Variants in SIPA1L2 observed in about 807,000 individuals in gnomAD.
SIPA1L2 encodes the protein signal-induced proliferation-associated 1-like protein 2.
In SIPA1L2, 56 loss-of-function variants were observed where a neutral mutation model predicts 163.9. The observed-to-expected ratio is 0.34, with a 90% CI of 0.28 to 0.43. SIPA1L2 has a LOEUF of 0.43. Among genes scored for constraint, SIPA1L2 ranks in the 20% least tolerant of loss-of-function variants. The pLI, the probability that SIPA1L2 is intolerant of heterozygous loss-of-function variation, is 1.00. For missense variants in SIPA1L2, 1,974 were observed against 2,193.5 expected (o/e 0.90, Z 2.00); for synonymous variants, 877 against 865.7 (o/e 1.01, Z -0.23).
intron 1 of SIPA1L2, among the ~76,000 whole-genome samples, chr1:232,610,599 T>TA (rs1378953772): frequency 2.0e-5 from 3 of 152,224 alleles, no homozygotes; most frequent in Non-Finnish European, 2.9e-5. Context: ...TCTTAAAAAC[T>TA]AGTAATCAGG....
intron 2 of SIPA1L2, among the ~76,000 whole-genome samples, chr1:232,570,789 G>T (rs1302653139): frequency 6.6e-6 from 1 of 151,750 alleles, no homozygotes; most frequent in African/African-American, 2.4e-5. Context: ...CCTGGAGTTG[G>T]ACTAACAGAC....
intron 3 of SIPA1L2, among the ~76,000 whole-genome samples, chr1:232,507,203 T>C (rs1052983219): frequency 1.3e-5 from 2 of 151,052 alleles, no homozygotes; most frequent in African/African-American, 4.9e-5. Flanking sequence ...CGACTTTCCC[T>C]GCTTTTGATG....
intron 18 of SIPA1L2, among the ~76,000 whole-genome samples, chr1:232,420,050 G>A (rs564904870): frequency 2.0e-5 from 3 of 152,268 alleles, no homozygotes; most frequent in South Asian, 2.1e-4. Flanking sequence ...GGCTGAGCGC[G>A]GTGGCTCACA....
At chr1:232,417,026 T>A (rs773881553) in intron 18 of SIPA1L2, among the ~76,000 whole-genome samples, 2 of 152,214 alleles carry the variant, frequency 1.3e-5, no homozygotes, top group African/African-American at 2.4e-5. Context: ...CAGCTGCTTG[T>A]GAACACATCT....
At chr1:232,495,339 G>A (rs1178117998) in intron 3 of SIPA1L2, among the ~76,000 whole-genome samples, 4 of 152,052 alleles carry the variant, frequency 2.6e-5, no homozygotes, top group Non-Finnish European at 5.9e-5. Flanking sequence ...CGAGGCGGGC[G>A]GATCACGAGG....
At chr1:232,564,177 TGTGTGTGTGTG>T (rs1179160160) in intron 2 of SIPA1L2, among the ~76,000 whole-genome samples, 1 of 115,098 alleles carries the variant, frequency 8.7e-6, no homozygotes, top group Non-Finnish European at 1.6e-5. Context: ...TGTGTGTGTG[TGTGTGTGTGTG>T]TTTCATCATG....
chr1:232,571,960 C>T (rs1659753782), intron 2 of SIPA1L2, among the ~76,000 whole-genome samples: 1 of 152,134 alleles, frequency 6.6e-6, no homozygotes, highest in African/African-American at 2.4e-5. Context: ...TATAGCAACA[C>T]AAAAAGGGGC....
intron 2 of SIPA1L2, among the ~76,000 whole-genome samples, chr1:232,531,830 A>G (rs2103085247): frequency 6.6e-6 from 1 of 152,300 alleles, no homozygotes; most frequent in African/African-American, 2.4e-5. Flanking sequence ...ATACCTGAAG[A>G]AAAGGATGAG....
intron 1 of SIPA1L2, among the ~76,000 whole-genome samples, chr1:232,628,805 G>A (rs573647552): frequency 6.6e-6 from 1 of 152,224 alleles, no homozygotes; most frequent in East Asian, 1.9e-4. Context: ...TAGTGTTAAC[G>A]TTTAGAATGG....
chr1:232,580,931 A>G (rs967073854), intron 1 of SIPA1L2, among the ~76,000 whole-genome samples: 1 of 152,150 alleles, frequency 6.6e-6, no homozygotes, highest in African/African-American at 2.4e-5. Context: ...TTCTGCTACA[A>G]CACTAACTTT....
intron 1 of SIPA1L2, among the ~76,000 whole-genome samples, chr1:232,585,815 G>C (rs555786754): frequency 1.3e-5 from 2 of 152,334 alleles, no homozygotes; most frequent in South Asian, 4.1e-4. Context: ...ACAGCAGAAA[G>C]TCAAGATGGC....
chr1:232,453,822 C>T (rs1663730151), intron 10 of SIPA1L2, among the ~76,000 whole-genome samples: 1 of 149,574 alleles, frequency 6.7e-6, no homozygotes, highest in South Asian at 2.1e-4. Context: ...TCAGTAGGTG[C>T]TAAAAGAATC....
At chr1:232,526,550 G>A (rs111768511) in intron 2 of SIPA1L2, among the ~76,000 whole-genome samples, 2,238 of 152,292 alleles carry the variant, frequency 0.015, 60 homozygotes, top group African/African-American at 0.051. Flanking sequence ...GCAGGAGGCG[G>A]AGCTCAGGCA....
At position 232,432,339 on chromosome 1, in the gene SIPA1L2, G is replaced by A. The variant is rs1156405663; in HGVS notation, c.4164C>T (p.His1388=). ...QVPGSMSKPY[H]RQGAVNKYVI... ...CATATTTGTTCACTGCCCCTTGTCT[G>A]TGGTAGGGCTTGGACATGGACCCGG... The change falls in exon 16 of 23, where the codon CAC becomes CAT. Residue 1388 remains histidine (H), a synonymous_variant. Coordinates refer to ENST00000674635, the MANE Select transcript of SIPA1L2 (RefSeq NM_020808.5). 4 of 1,614,212 alleles carry A rather than the reference G, an allele frequency of 2.5e-6. No homozygotes were observed. Among genetic ancestry groups the A allele is most frequent in the Non-Finnish European group, 3.4e-6 (4 of 1,180,040 alleles).
intron 2 of SIPA1L2, among the ~76,000 whole-genome samples, chr1:232,525,972 A>G (rs1667687575): frequency 6.6e-6 from 1 of 152,210 alleles, no homozygotes; most frequent in Admixed American, 6.5e-5. Context: ...CTTGTGCCCA[A>G]TTAAAAACAG....
chr1:232,523,688 G>A lies in SIPA1L2; in HGVS notation c.-269-8080C>T, dbSNP rs1409257866. Among the ~76,000 whole-genome samples the A allele has an allele frequency of 3.3e-5, 5 of 152,100 alleles. No homozygotes were observed. The East Asian group carries it at 9.7e-4, about 29-fold the overall frequency. ...CTTTAAAAAAAATACAATCCTTCCG[G>A]AAAACATTCTGTTCTCACTAATATT... On this transcript the variant is annotated intron_variant, in intron 2 of 22. Transcript: ENST00000674635.
chr1:232,451,992 A>G (rs1663611129), intron 10 of SIPA1L2, among the ~76,000 whole-genome samples: 3 of 124,822 alleles, frequency 2.4e-5, no homozygotes, highest in Admixed American at 1.6e-4. Flanking sequence ...TAGACCAAGA[A>G]GGTCACTGAA....
chr1:232,597,417 C>T (rs1439613885), intron 1 of SIPA1L2, among the ~76,000 whole-genome samples: 1 of 151,804 alleles, frequency 6.6e-6, no homozygotes, highest in African/African-American at 2.4e-5. Context: ...GTGGCTCACA[C>T]CTGTAATCCC....
intron 19 of SIPA1L2, among the ~76,000 whole-genome samples, chr1:232,409,586 T>C (rs1660832651): frequency 6.6e-6 from 1 of 152,180 alleles, no homozygotes; most frequent in Non-Finnish European, 1.5e-5. Flanking sequence ...CCTTAAGACA[T>C]CACAGAACTT....
Sources: gnomAD v4.1 joint callset for allele counts (sites outside exome capture counted in the v4.1 genomes callset) on GRCh38, gnomAD v4.1.1 for gene constraint, MANE v1.5 for transcripts, NCBI Gene and HGNC (gene_info 2026-07-23, HGNC 2026-07-21) for gene names.